ACBD6: variants seen among roughly 807,000 people sequenced by gnomAD.
ACBD6 encodes the protein acyl-CoA binding domain containing 6.
Under a neutral mutation model 37.2 loss-of-function variants are expected in ACBD6, and 28 were observed. That is an observed-to-expected ratio of 0.75 (90% CI 0.56 to 1.03). The LOEUF (loss-of-function observed/expected upper bound fraction) is 1.03. Ranked by LOEUF, ACBD6 falls within the 50% of genes least tolerant of loss-of-function variation. ACBD6 has a pLI of 0.00. For synonymous variants in ACBD6, 113 were observed against 126.8 expected, an observed-to-expected ratio of 0.89 and a Z score of 0.73; for missense variants, 340 against 337.4, an observed-to-expected ratio of 1.01 and a Z score of -0.06.
chr1:180,480,636 C>T (rs1283265655), intron 3 of ACBD6, among the ~76,000 whole-genome samples: 1 of 152,018 alleles, frequency 6.6e-6, no homozygotes, highest in Non-Finnish European at 1.5e-5. Context: ...AACTCAAAGC[C>T]AAAAAGGCAG....
chr1:180,330,636 A>T (rs952887994), intron 6 of ACBD6, among the ~76,000 whole-genome samples: 8 of 152,196 alleles, frequency 5.3e-5, no homozygotes, highest in African/African-American at 1.7e-4. Context: ...AAGGAAAACA[A>T]TCAAAGGCAG....
In ACBD6 at chr1:180,502,263, C is replaced by T; in HGVS notation, c.4G>A (p.Ala2Thr). 1 of 1,612,956 alleles carries T rather than the reference C, an allele frequency of 6.2e-7. No individual in the cohort carries two copies. Among genetic ancestry groups the T allele is most frequent in the Non-Finnish European group, 8.5e-7 (1 of 1,180,020 alleles). The change falls in exon 1 of 8, where the codon GCT (alanine) becomes ACT (threonine). Residue 2 changes from alanine (A) to threonine (T), a missense_variant. Ala to Thr is a moderately conservative substitution (Grantham distance 58). Coordinates refer to ENST00000367595, the MANE Select transcript of ACBD6 (RefSeq NM_032360.4). ...GCCCCCGCGGGCAGGAATGATGAAG[C>T]CATGTCTCCTTGCTCGCTCCGTCCC... is the stretch of plus-strand genomic sequence containing the variant. M[A>T]SSFLPAGAIT...
At chr1:180,360,897 G>A (rs1021419381) in intron 6 of ACBD6, among the ~76,000 whole-genome samples, 7 of 151,954 alleles carry the variant, frequency 4.6e-5, no homozygotes, top group East Asian at 3.9e-4. Flanking sequence ...TTCCATCAAC[G>A]GATGTGTTGG....
chr1:180,501,326 T>C (rs1651961858), intron 1 of ACBD6, among the ~76,000 whole-genome samples: 1 of 137,564 alleles, frequency 7.3e-6, no homozygotes, highest in Admixed American at 7.6e-5. Context: ...AATACTGCAT[T>C]TTGCATTGCA....
chr1:180,382,578 GA>G (rs1203418419), intron 6 of ACBD6, among the ~76,000 whole-genome samples: 1 of 152,038 alleles, frequency 6.6e-6, no homozygotes. Flanking sequence ...TCTCAACAAA[GA>G]AAAGTCCAGG....
intron 3 of ACBD6, among the ~76,000 whole-genome samples, chr1:180,464,348 T>A (rs956182005): frequency 6.6e-6 from 1 of 152,108 alleles, no homozygotes; most frequent in Non-Finnish European, 1.5e-5. Flanking sequence ...AGTTGCAGGA[T>A]ACAAAATCAA....
Position 180,495,459 on chromosome 1 carries a change from A to C in ACBD6, c.287+2T>G. On this transcript the variant is annotated splice_donor_variant, in intron 2 of 7. Coordinates refer to ENST00000367595, the MANE Select transcript of ACBD6 (RefSeq NM_032360.4). LOFTEE classifies it high-confidence loss of function. ...TCATTAAAGATTCCAGGAATTTCTTACCATTTTTGCTTTCCTTCAAAATCA... is the reference window on the plus strand; with the variant it reads ...TCATTAAAGATTCCAGGAATTTCTTCCCATTTTTGCTTTCCTTCAAAATCA... 1 of 1,596,634 alleles carries C rather than the reference A, an allele frequency of 6.3e-7. No homozygotes were observed. Among genetic ancestry groups the C allele is most frequent in the Non-Finnish European group, 8.5e-7 (1 of 1,170,926 alleles).
At chr1:180,339,032 C>T (rs1038452729) in intron 6 of ACBD6, among the ~76,000 whole-genome samples, 2 of 152,194 alleles carry the variant, frequency 1.3e-5, no homozygotes, top group African/African-American at 4.8e-5. Context: ...CAGGAAACAA[C>T]AGGTGCTAGA....
At chr1:180,332,299 C>T (rs1046803629) in intron 6 of ACBD6, among the ~76,000 whole-genome samples, 1 of 152,198 alleles carries the variant, frequency 6.6e-6, no homozygotes, top group Admixed American at 6.5e-5. Context: ...TGTTCCCCTT[C>T]CCCACTACAA....
intron 3 of ACBD6, among the ~76,000 whole-genome samples, chr1:180,463,900 A>C (rs1650244852): frequency 6.6e-6 from 1 of 152,250 alleles, no homozygotes; most frequent in Non-Finnish European, 1.5e-5. Context: ...GGTTGGTTCA[A>C]CATACGCAAA....
At chr1:180,428,255 T>C (rs1469063987) in intron 4 of ACBD6, among the ~76,000 whole-genome samples, 1 of 152,204 alleles carries the variant, frequency 6.6e-6, no homozygotes, top group Non-Finnish European at 1.5e-5. Flanking sequence ...TCATATTTCA[T>C]TCAATTAATA....
At position 180,495,417 on chromosome 1, in the gene ACBD6, A is replaced by G. The variant is rs373691265; in HGVS notation, c.287+44T>C. On this transcript the variant is annotated intron_variant, in intron 2 of 7. Transcript: ENST00000367595. The stretch of plus-strand genomic sequence containing the variant: ...CTGCTTTCTAATTCCTAAACACCTA[A>G]GCCATTTCCAACAACCTCATTAAAG... 2.1e-6 allele frequency: 3 copies of G among 1,405,328 alleles called. No individual in the cohort carries two copies. The East Asian group carries it at 6.8e-5, about 32-fold the overall frequency. 87.1% of individuals were successfully genotyped at this position (1,405,328 alleles called of 1,614,324 possible).
intron 3 of ACBD6, among the ~76,000 whole-genome samples, chr1:180,447,006 G>T (rs917603792): frequency 1.1e-4 from 17 of 152,024 alleles, no homozygotes; most frequent in Non-Finnish European, 7.4e-5. Context: ...ACCCCCGACA[G>T]TCCAGCCTGG....
intron 7 of ACBD6, among the ~76,000 whole-genome samples, chr1:180,291,373 A>C (rs1649700689): frequency 6.6e-6 from 1 of 152,216 alleles, no homozygotes. Context: ...CCTTACCAGC[A>C]CTTTACTATT....
intron 6 of ACBD6, among the ~76,000 whole-genome samples, chr1:180,363,186 A>G (rs534328379): frequency 6.6e-6 from 1 of 152,366 alleles, no homozygotes; most frequent in Admixed American, 6.5e-5. Context: ...GATTGGCCAC[A>G]AATTGGTAAT....
At chr1:180,494,903 T>C (rs144592269) in intron 2 of ACBD6, among the ~76,000 whole-genome samples, 39 of 152,352 alleles carry the variant, frequency 2.6e-4, no homozygotes, top group African/African-American at 7.9e-4. Context: ...TTTTTTTATA[T>C]ATTCAGAGAA....
intron 4 of ACBD6, among the ~76,000 whole-genome samples, chr1:180,414,072 AG>A (rs1425384559): frequency 6.6e-6 from 1 of 152,232 alleles, no homozygotes; most frequent in African/African-American, 2.4e-5. Flanking sequence ...AATCAGCTGC[AG>A]TCTATTCCAA....
At chr1:180,389,245 T>A (rs1653972016) in intron 6 of ACBD6, among the ~76,000 whole-genome samples, 1 of 152,216 alleles carries the variant, frequency 6.6e-6, no homozygotes, top group Non-Finnish European at 1.5e-5. Flanking sequence ...AGTGAGAACA[T>A]GCGGAGTTTG....
At chr1:180,426,897 T>C (rs1182003352) in intron 4 of ACBD6, among the ~76,000 whole-genome samples, 1 of 152,220 alleles carries the variant, frequency 6.6e-6, no homozygotes, top group East Asian at 1.9e-4. Flanking sequence ...AGCATTTGAA[T>C]GCCAGCGGTT....
Sources: gnomAD v4.1 joint callset for allele counts (sites outside exome capture counted in the v4.1 genomes callset) on GRCh38, gnomAD v4.1.1 for gene constraint, MANE v1.5 for transcripts, NCBI Gene and HGNC (gene_info 2026-07-23, HGNC 2026-07-21) for gene names.